The following AMDHD1 variants were observed in gnomAD, a reference collection of about 807,000 sequenced individuals.
AMDHD1 encodes the protein probable imidazolonepropionase.
A neutral mutation model predicts 44.1 loss-of-function variants in AMDHD1; 45 were observed. The observed-to-expected ratio is 1.02, with a 90% CI of 0.80 to 1.31. The LOEUF (loss-of-function observed/expected upper bound fraction) is 1.31, where lower values mean the gene tolerates loss of function less well. Among genes scored for constraint, AMDHD1 ranks in the 50% most tolerant of loss-of-function variants. The pLI, the probability that AMDHD1 is intolerant of heterozygous loss-of-function variation, is 0.00. For missense variants in AMDHD1, 586 were observed against 552.1 expected, an observed-to-expected ratio of 1.06 and a Z score of -0.61; for synonymous variants, 206 against 205.0, an observed-to-expected ratio of 1.00 and a Z score of -0.04.
intron 1 of AMDHD1, among the ~76,000 whole-genome samples, chr12:95,950,414 G>A (rs1039032791): frequency 1.3e-5 from 2 of 152,060 alleles, no homozygotes; most frequent in African/African-American, 2.4e-5. Context: ...GTCCCAGTTC[G>A]GAATCCCTTA....
intron 2 of AMDHD1, 39 bp from the exon 3 acceptor site, chr12:95,954,872 A>G (rs2080542484): frequency 6.2e-7 from 1 of 1,604,056 alleles, no homozygotes; most frequent in Non-Finnish European, 8.5e-7. Context: ...AGTGCTCTCT[A>G]TTTCTTAATT....
intron 3 of AMDHD1, among the ~76,000 whole-genome samples, chr12:95,956,228 C>G (rs1252349034): frequency 6.6e-6 from 1 of 152,200 alleles, no homozygotes; most frequent in African/African-American, 2.4e-5. Flanking sequence ...CCTGTCTCAG[C>G]CTCCAGAGTA....
intron 4 of AMDHD1, among the ~76,000 whole-genome samples, chr12:95,959,192 G>A (rs1032074960): frequency 2.6e-5 from 4 of 152,158 alleles, no homozygotes; most frequent in African/African-American, 7.2e-5. Context: ...CCAAATATAG[G>A]GCTGAAGTTT....
chr12:95,952,320 C>T (rs535160332), intron 1 of AMDHD1, among the ~76,000 whole-genome samples: 45 of 152,260 alleles, frequency 3.0e-4, no homozygotes, highest in Non-Finnish European at 4.7e-4. Flanking sequence ...GTCTTTTCCC[C>T]AATGTACGTT....
rs758223660 is a variant in AMDHD1, at chr12:95,954,961, G to A, written c.295G>A (p.Glu99Lys). 6.8e-6 allele frequency: 11 copies of A among 1,614,020 alleles called. No individual in the cohort carries two copies. In the Admixed American group the frequency reaches 1.0e-4, roughly 15 times the overall value. The part of the protein sequence containing the change: ...HPVWAGERVH[E>K]FAMKLAGATY... ...AGTATGGGCTGGTGAAAGAGTTCAC[G>A]AATTTGCAATGAAGGTAACTGCAAC... Residue 99 changes from glutamate to lysine, a missense_variant, in exon 3 of 9, where the codon GAA becomes AAA. Coordinates refer to ENST00000266736, the MANE Select transcript of AMDHD1 (RefSeq NM_152435.3).
chr12:95,946,061 C>CTGTGTGTGTGTGTG (rs56658923), intron 1 of AMDHD1, among the ~76,000 whole-genome samples: 127 of 122,572 alleles, frequency 1.0e-3, no homozygotes, highest in African/African-American at 3.2e-3. Context: ...CTCTTTCTCT[C>CTGTGTGTGTGTGTG]TGTGTGTGTG....
chr12:95,948,693 G>A (rs1369635724), intron 1 of AMDHD1, among the ~76,000 whole-genome samples: 2 of 70,146 alleles, frequency 2.9e-5, no homozygotes, highest in Non-Finnish European at 5.1e-5. Flanking sequence ...TAGAAAGGCG[G>A]GAAAGGCGGG....
rs1393639025 is a variant in AMDHD1, at chr12:95,943,656, C to A, written c.137+121C>A. The A allele has an allele frequency of 7.7e-6, 10 of 1,297,824 alleles. No homozygotes were observed. The South Asian group carries it at 1.2e-4, about 15-fold the overall frequency. The allele number at this position is 1,297,824 out of a possible 1,614,324, so 80.4% of individuals were successfully genotyped here. On this transcript the variant is annotated intron_variant, in intron 1 of 8. Coordinates refer to ENST00000266736, the MANE Select transcript of AMDHD1 (RefSeq NM_152435.3). ...GCGTCCCTGCACAGAGATACACGGG[C>A]AAGCCAGCCTTTGGGGTACCTGTTG...
intron 4 of AMDHD1, among the ~76,000 whole-genome samples, chr12:95,958,619 C>T (rs2080564304): frequency 6.6e-6 from 1 of 152,102 alleles, no homozygotes; most frequent in South Asian, 2.1e-4. Flanking sequence ...GAAGTGATGC[C>T]AGACCTGGGT....
intron 7 of AMDHD1, among the ~76,000 whole-genome samples, chr12:95,966,001 T>C (rs1168918818): frequency 6.6e-6 from 1 of 152,244 alleles, no homozygotes; most frequent in Non-Finnish European, 1.5e-5. Flanking sequence ...TGCATTATTT[T>C]CTGATTCAGC....
rs149229777 is a variant in AMDHD1 at position 95,961,299 on chromosome 12, T to C, written c.813+676T>C. ...TCTTTCTGTGGCAGCATCCAAATCA[T>C]TTTAGTGGAGCACACCAAAAATAGC... On this transcript the variant is annotated intron_variant, in intron 5 of 8. Coordinates refer to ENST00000266736, the MANE Select transcript of AMDHD1 (RefSeq NM_152435.3). 4.1e-4 allele frequency among the ~76,000 whole-genome samples: 62 copies of C among 152,358 alleles called. No individual in the cohort carries two copies. In the East Asian group the frequency reaches 0.012, roughly 28 times the overall value.
chr12:95,948,523 C>G lies in AMDHD1; in HGVS notation c.138-4194C>G, dbSNP rs1473685743. 1.8e-3 allele frequency among the ~76,000 whole-genome samples: 141 copies of G among 76,324 alleles called. 14 individuals carry two copies. Among genetic ancestry groups the G allele is most frequent in the African/African-American group, 7.8e-3 (134 of 17,146 alleles). The allele number at this position is 76,324 out of a possible 152,430, so 50.1% of individuals were successfully genotyped here. A position where few individuals can be genotyped will look rare whatever the true frequency, so the allele number is the denominator to read the frequency against. On this transcript the variant is annotated intron_variant, in intron 1 of 8. Transcript: ENST00000266736. ...CAGCCCCCCGCCCGGCCAGCTGCCC[C>G]GTCCGGGAGGGAGGTGGGGGGGGGG... is the stretch of plus-strand genomic sequence containing the variant.
intron 5 of AMDHD1, among the ~76,000 whole-genome samples, chr12:95,960,930 TCA>T (rs1161712222): frequency 2.0e-5 from 3 of 152,128 alleles, no homozygotes; most frequent in African/African-American, 7.2e-5. Context: ...GGTGGGTTGA[TCA>T]CGAGGTCAGG....
At chr12:95,966,622 T>C in intron 8 of AMDHD1, 114 bp downstream of exon 8, 2 of 1,281,200 alleles carry the variant, frequency 1.6e-6, no homozygotes, top group Admixed American at 3.6e-5. Flanking sequence ...ACTCAGACAC[T>C]ATCCAGTCCC....
At chr12:95,957,939 G>A (rs575071864) in intron 4 of AMDHD1, among the ~76,000 whole-genome samples, 1 of 152,264 alleles carries the variant, frequency 6.6e-6, no homozygotes, top group Non-Finnish European at 1.5e-5. Flanking sequence ...TGTAATCCCA[G>A]CTACTCAGGA....
At position 95,968,002 on chromosome 12, in the gene AMDHD1, AT is replaced by A; in HGVS notation, c.*163del. The A allele has an allele frequency of 1.9e-6, 1 of 530,334 alleles. No individual in the cohort carries two copies. Among genetic ancestry groups the A allele is most frequent in the Non-Finnish European group, 3.3e-6 (1 of 304,076 alleles). The allele number at this position is 530,334 out of a possible 1,614,324, so 32.9% of individuals were successfully genotyped here. ...CTCAAAAAACCCAAGGGATAGATTT[AT>A]TTTCATTTAACACATGCATTTGACA... On this transcript the variant is annotated 3_prime_UTR_variant, in exon 9 of 9. Coordinates refer to ENST00000266736, the MANE Select transcript of AMDHD1 (RefSeq NM_152435.3).
rs1384553576 is a variant in AMDHD1, at chr12:95,965,711, A to C, written c.964A>C (p.Met322Leu). 1 of 1,612,772 alleles carries C rather than the reference A, an allele frequency of 6.2e-7. No individual in the cohort carries two copies. The highest frequency in any genetic ancestry group is 1.3e-5 in the African/African-American group (1 of 74,910). ...LRLKQPRARK[M>L]LDEGVIVALG... ...ACTGAAACAACCTCGAGCCAGGAAGATGTTAGATGAAGGAGTAATAGTTGC... is the reference window on the plus strand; with the variant it reads ...ACTGAAACAACCTCGAGCCAGGAAGCTGTTAGATGAAGGAGTAATAGTTGC... Residue 322 changes from methionine to leucine, a missense_variant, in exon 7 of 9, where the codon ATG (methionine) becomes CTG (leucine). Physicochemically the swap from Met to Leu is conservative, Grantham distance 15 (BLOSUM62 2). Transcript: ENST00000266736.
intron 1 of AMDHD1, among the ~76,000 whole-genome samples, chr12:95,948,356 A>C (rs1188183785): frequency 2.5e-5 from 1 of 39,766 alleles, no homozygotes. Flanking sequence ...TCTGGGAGGG[A>C]GGTGGGGGGG....
intron 1 of AMDHD1, among the ~76,000 whole-genome samples, chr12:95,947,702 G>A (rs1376199464): frequency 7.9e-5 from 5 of 63,016 alleles, no homozygotes; most frequent in South Asian, 5.7e-4. Context: ...CACCCCGTCC[G>A]GGAGGGAGAT....
Sources: gnomAD v4.1 joint callset for allele counts (sites outside exome capture counted in the v4.1 genomes callset) on GRCh38, gnomAD v4.1.1 for gene constraint, MANE v1.5 for transcripts, NCBI Gene and HGNC (gene_info 2026-07-23, HGNC 2026-07-21) for gene names.